Variants in DLG2 observed in about 807,000 individuals in gnomAD.
DLG2 encodes disks large homolog 2.
A neutral mutation model predicts 132.5 loss-of-function variants in DLG2; 45 were observed. The ratio of observed to expected loss-of-function variants is 0.34; its 90% confidence interval spans 0.27 to 0.44. The LOEUF is 0.44. DLG2 is among the 20% of genes least tolerant of loss of function. The pLI is 1.00. For synonymous variants in DLG2, 424 were observed against 419.6 expected (o/e 1.01, Z -0.13); for missense variants, 1,045 against 1,196.9 (o/e 0.87, Z 1.87).
At chr11:85,387,881 C>A (rs2086476934) in intron 3 of DLG2, among the ~76,000 whole-genome samples, 1 of 152,166 alleles carries the variant, frequency 6.6e-6, no homozygotes, top group Admixed American at 6.5e-5. Flanking sequence ...CATTTGGAAA[C>A]CCACGTCATG....
intron 10 of DLG2, among the ~76,000 whole-genome samples, chr11:84,098,141 C>A (rs988201098): frequency 2.7e-5 from 4 of 150,000 alleles, no homozygotes; most frequent in African/African-American, 7.4e-5. Context: ...CAAGTTCAAG[C>A]CATTCTCCTG....
At chr11:84,200,797 G>C (rs576635275) in intron 8 of DLG2, among the ~76,000 whole-genome samples, 2 of 151,930 alleles carry the variant, frequency 1.3e-5, no homozygotes, top group Non-Finnish European at 2.9e-5. Context: ...ACATTGATTC[G>C]GTATCCTGAG....
intron 6 of DLG2, among the ~76,000 whole-genome samples, chr11:84,954,451 G>A (rs528097579): frequency 6.6e-6 from 1 of 152,046 alleles, no homozygotes; most frequent in Non-Finnish European, 1.5e-5. Context: ...AATGGATCAC[G>A]TTCCTTTTAT....
intron 6 of DLG2, among the ~76,000 whole-genome samples, chr11:84,857,974 C>T (rs1370006148): frequency 2.0e-5 from 3 of 151,840 alleles, no homozygotes; most frequent in Non-Finnish European, 4.4e-5. Flanking sequence ...CTCACTGTAG[C>T]CTGGACTTTC....
intron 8 of DLG2, among the ~76,000 whole-genome samples, chr11:84,224,318 T>G (rs2096959716): frequency 2.0e-5 from 3 of 152,210 alleles, no homozygotes. Flanking sequence ...TAGGCTGCTT[T>G]TGTTACACTG....
intron 3 of DLG2, among the ~76,000 whole-genome samples, chr11:85,406,932 G>A (rs924583868): frequency 5.3e-5 from 8 of 151,958 alleles, no homozygotes; most frequent in Admixed American, 2.6e-4. Context: ...GGAATGAGAG[G>A]AAAGGACTCA....
At chr11:85,135,980 G>A (rs1014512585) in intron 5 of DLG2, among the ~76,000 whole-genome samples, 4 of 152,198 alleles carry the variant, frequency 2.6e-5, no homozygotes, top group African/African-American at 9.7e-5. Context: ...GAGCTAAGAT[G>A]AGGAAGAACC....
chr11:84,825,466 A>AGAAAT (rs1327958256), intron 6 of DLG2, among the ~76,000 whole-genome samples: 1 of 151,966 alleles, frequency 6.6e-6, no homozygotes, highest in Non-Finnish European at 1.5e-5. Flanking sequence ...ACCATCTCTG[A>AGAAAT]GAAATGAACT....
intron 19 of DLG2, among the ~76,000 whole-genome samples, chr11:83,611,926 G>C (rs2060173505): frequency 6.6e-6 from 1 of 152,178 alleles, no homozygotes; most frequent in South Asian, 2.1e-4. Flanking sequence ...GGGGGCAACT[G>C]TTTGAGCGGG....
At chr11:85,020,034 A>G (rs965272399) in intron 6 of DLG2, among the ~76,000 whole-genome samples, 1 of 152,142 alleles carries the variant, frequency 6.6e-6, no homozygotes, top group Admixed American at 6.5e-5. Flanking sequence ...ATCCTTGGGG[A>G]ATCGCCACGC....
intron 8 of DLG2, among the ~76,000 whole-genome samples, chr11:84,205,771 C>T (rs185438947): frequency 1.3e-5 from 2 of 151,952 alleles, no homozygotes; most frequent in Non-Finnish European, 2.9e-5. Flanking sequence ...ATGATCTAAG[C>T]TTCTATCTTA....
At chr11:83,790,197 A>G in intron 17 of DLG2, 5 of 870,848 alleles carry the variant, frequency 5.7e-6, no homozygotes, top group Non-Finnish European at 9.3e-6. Context: ...TCCCTGACTG[A>G]ATGCTCAATT....
At chr11:84,640,380 G>A in intron 6 of DLG2, 1 of 376,068 alleles carries the variant, frequency 2.7e-6, no homozygotes, top group Non-Finnish European at 4.7e-6. Context: ...AAGGCCAAAT[G>A]TTGCTTGTTT....
At chr11:84,570,763 T>C (rs549931209) in intron 6 of DLG2, among the ~76,000 whole-genome samples, 1 of 152,246 alleles carries the variant, frequency 6.6e-6, no homozygotes, top group East Asian at 1.9e-4. Context: ...CTTCATCATC[T>C]CAGTTTAGAA....
At chr11:84,571,244 C>A (rs1360714869) in intron 6 of DLG2, among the ~76,000 whole-genome samples, 1 of 152,066 alleles carries the variant, frequency 6.6e-6, no homozygotes, top group Non-Finnish European at 1.5e-5. Flanking sequence ...TCTTTCTCTT[C>A]TTTTTTCCCA....
Position 84,714,178 on chromosome 11 carries a change from T to TA in DLG2, c.358-179448dup, listed in dbSNP as rs535841206. Among the ~76,000 whole-genome samples, 537 of 127,812 alleles carry TA rather than the reference T, an allele frequency of 4.2e-3. 5 individuals carry two copies. Among genetic ancestry groups the TA allele is most frequent in the South Asian group, 0.019 (84 of 4,334 alleles). The allele number at this position is 127,812 out of a possible 152,430, so 83.8% of individuals were successfully genotyped here. On this transcript the variant is annotated intron_variant, in intron 6 of 27. Transcript: ENST00000376104. Reference sequence around the variant, plus strand: ...TCAATGAACACATGTTACTATAAAATAAAAAAAAAACATATACCAAAATGG... The same window carrying TA: ...TCAATGAACACATGTTACTATAAAATAAAAAAAAAAACATATACCAAAATGG...
chr11:83,722,264 C>T (rs368763408), intron 18 of DLG2, among the ~76,000 whole-genome samples: 16 of 152,064 alleles, frequency 1.1e-4, no homozygotes, highest in African/African-American at 3.9e-4. Context: ...TCTCCCACTG[C>T]CATGCAAAGT....
intron 4 of DLG2, among the ~76,000 whole-genome samples, chr11:85,224,524 T>A (rs2152621725): frequency 6.6e-6 from 1 of 152,250 alleles, no homozygotes; most frequent in East Asian, 1.9e-4. Context: ...TGTTTAAACT[T>A]AGTGAAGAAG....
At chr11:85,357,119 G>A (rs909559273) in intron 3 of DLG2, among the ~76,000 whole-genome samples, 1 of 152,006 alleles carries the variant, frequency 6.6e-6, no homozygotes, top group Non-Finnish European at 1.5e-5. Flanking sequence ...ATGATTTTTA[G>A]AAGGTGAGGA....
Sources: allele counts gnomAD v4.1 joint callset (sites outside exome capture counted in the v4.1 genomes callset), GRCh38; gene constraint gnomAD v4.1.1; transcripts MANE v1.5; gene names NCBI Gene and HGNC (gene_info 2026-07-23, HGNC 2026-07-21).